PDCD10: variants seen among roughly 807,000 people sequenced by gnomAD.
PDCD10 encodes the protein programmed cell death protein 10.
PDCD10 carries 4 observed loss-of-function variants against 29.2 expected under a neutral mutation model. The ratio of observed to expected loss-of-function variants is 0.14; its 90% CI spans 0.07 to 0.31. PDCD10 has a LOEUF of 0.31. PDCD10 is among the 10% of genes least tolerant of loss of function. PDCD10 has a pLI of 1.00. For synonymous variants in PDCD10, 70 were observed against 82.2 expected, an observed-to-expected ratio of 0.85 and a Z score of 0.80; for missense variants, 183 against 257.9, an observed-to-expected ratio of 0.71 and a Z score of 1.99.
chr3:167,705,988 CCTTA>C (rs1406458831), intron 3 of PDCD10, among the ~76,000 whole-genome samples: 3 of 152,074 alleles, frequency 2.0e-5, no homozygotes, highest in African/African-American at 7.2e-5. Context: ...GAACCCATTT[CCTTA>C]CTTAGGTTTA....
Position 167,695,719 on chromosome 3 carries a change from T to C in PDCD10, c.272A>G (p.Tyr91Cys), listed in dbSNP as rs200148887. ...TTCTGGCTCTGGTCGTTCAATCATATACTCTGATAAAATAAATACATAATA... is the reference window on the plus strand; with the variant it reads ...TTCTGGCTCTGGTCGTTCAATCATACACTCTGATAAAATAAATACATAATA... ...LRMAADDVEE[Y>C]MIERPEPEFQ... Residue 91 changes from tyrosine (Y) to cysteine (C), a missense_variant, in exon 6 of 9, where the codon TAT (tyrosine) becomes TGT (cysteine). Physicochemically the swap from Tyr to Cys is radical, Grantham distance 194. Coordinates refer to ENST00000392750, the MANE Select transcript of PDCD10 (RefSeq NM_007217.4). 21 of 1,613,474 alleles carry C rather than the reference T, an allele frequency of 1.3e-5. No homozygotes were observed. Among genetic ancestry groups the C allele is most frequent in the Non-Finnish European group, 1.6e-5 (19 of 1,179,406 alleles).
At chr3:167,691,171 A>G (rs999665441) in intron 6 of PDCD10, among the ~76,000 whole-genome samples, 1 of 152,216 alleles carries the variant, frequency 6.6e-6, no homozygotes, top group Non-Finnish European at 1.5e-5. Flanking sequence ...GTCAATTAAT[A>G]ATGGTAAGAA....
intron 2 of PDCD10, among the ~76,000 whole-genome samples, chr3:167,724,671 C>G (rs926521764): frequency 1.3e-5 from 2 of 152,058 alleles, no homozygotes; most frequent in Non-Finnish European, 2.9e-5. Flanking sequence ...GCATGCCTAG[C>G]AAAATAAAAA....
At position 167,734,856 on chromosome 3, in the gene PDCD10, C is replaced by G. The variant is rs1427623817; in HGVS notation, c.-448G>C. On this transcript the variant is annotated 5_prime_UTR_variant, in exon 1 of 9. Coordinates refer to ENST00000392750, the MANE Select transcript of PDCD10 (RefSeq NM_007217.4). ...TCCCACCTTGCAGCCCTCTTCAACTCCCGGATCAATTCACTCCGGCGACGC... is the reference window on the plus strand; with the variant it reads ...TCCCACCTTGCAGCCCTCTTCAACTGCCGGATCAATTCACTCCGGCGACGC... The G allele has an allele frequency of 6.5e-6, 1 of 153,734 alleles. No homozygotes were observed. 9.5% of individuals were successfully genotyped at this position (153,734 alleles called of 1,614,324 possible).
intron 8 of PDCD10, among the ~76,000 whole-genome samples, chr3:167,685,396 CAAAAAAAAAAAAAA>C (rs1184281849): frequency 7.9e-4 from 44 of 55,966 alleles, no homozygotes; most frequent in African/African-American, 2.9e-3. Context: ...ACTCTGTCTC[CAAAAAAAAAAAAAA>C]AAAAAAAAAA....
At chr3:167,701,347 TAC>T (rs1721407916) in intron 4 of PDCD10, among the ~76,000 whole-genome samples, 1 of 152,176 alleles carries the variant, frequency 6.6e-6, no homozygotes, top group Admixed American at 6.5e-5. Context: ...TACATATACA[TAC>T]ACACACATAT....
chr3:167,725,766 TA>T (rs1724072997), intron 2 of PDCD10, among the ~76,000 whole-genome samples: 7 of 6,438 alleles, frequency 1.1e-3, no homozygotes, highest in African/African-American at 4.4e-3. Flanking sequence ...GTATCGTTTA[TA>T]TATATATATA....
intron 3 of PDCD10, among the ~76,000 whole-genome samples, chr3:167,712,021 G>GA (rs1301628891): frequency 6.6e-6 from 1 of 152,028 alleles, no homozygotes; most frequent in African/African-American, 2.4e-5. Flanking sequence ...AAGGGAGTTT[G>GA]ATCTGAAAGA....
rs1719282289 is a variant in PDCD10 at position 167,683,681 on chromosome 3, C to A, written c.*627G>T. 1 of 151,700 alleles carries A rather than the reference C, an allele frequency of 6.6e-6. No homozygotes were observed. Among genetic ancestry groups the A allele is most frequent in the African/African-American group, 2.4e-5 (1 of 41,340 alleles). The allele number at this position is 151,700 out of a possible 1,614,324, so 9.4% of individuals were successfully genotyped here. A position where few individuals can be genotyped will look rare whatever the true frequency, so the allele number is the denominator to read the frequency against. Reference sequence around the variant, plus strand: ...GGAAATCATATAAAAATACTCAGTACCTTATAAGTAATTAACAAAAATATT... The same window carrying A: ...GGAAATCATATAAAAATACTCAGTAACTTATAAGTAATTAACAAAAATATT... On this transcript the variant is annotated 3_prime_UTR_variant, in exon 9 of 9. Coordinates refer to ENST00000392750, the MANE Select transcript of PDCD10 (RefSeq NM_007217.4).
At chr3:167,706,141 A>G (rs961301113) in intron 3 of PDCD10, among the ~76,000 whole-genome samples, 3 of 152,220 alleles carry the variant, frequency 2.0e-5, no homozygotes, top group Admixed American at 1.3e-4. Context: ...AAGTTCATGA[A>G]GAGCTAACAA....
chr3:167,730,396 A>G (rs1724684225), intron 2 of PDCD10, among the ~76,000 whole-genome samples: 1 of 152,196 alleles, frequency 6.6e-6, no homozygotes, highest in African/African-American at 2.4e-5. Flanking sequence ...TCATAATGAT[A>G]TTAATTATCC....
chr3:167,726,862 C>T (rs187926473), intron 2 of PDCD10, among the ~76,000 whole-genome samples: 128 of 152,208 alleles, frequency 8.4e-4, no homozygotes, highest in Middle Eastern at 3.4e-3. Context: ...CCTAGTCCTG[C>T]CCCTGCATAA....
At chr3:167,707,267 T>C (rs1375833596) in intron 3 of PDCD10, among the ~76,000 whole-genome samples, 2 of 152,234 alleles carry the variant, frequency 1.3e-5, no homozygotes, top group African/African-American at 4.8e-5. Context: ...ACACATGGAA[T>C]GTAATGATTT....
chr3:167,705,480 G>A (rs984016873), intron 3 of PDCD10, among the ~76,000 whole-genome samples: 1 of 152,016 alleles, frequency 6.6e-6, no homozygotes, highest in African/African-American at 2.4e-5. Flanking sequence ...CTTCCCTTGA[G>A]GCAACAAAAG....
chr3:167,720,668 TGTAA>T (rs1723476582), intron 2 of PDCD10, among the ~76,000 whole-genome samples: 1 of 152,080 alleles, frequency 6.6e-6, no homozygotes. Flanking sequence ...ATGCATGATG[TGTAA>T]GTGTGTGCAG....
At chr3:167,711,331 AATTATTTTGT>A (rs1270609085) in intron 3 of PDCD10, among the ~76,000 whole-genome samples, 3 of 152,200 alleles carry the variant, frequency 2.0e-5, no homozygotes, top group Non-Finnish European at 2.9e-5. Flanking sequence ...AAGAGACTGA[AATTATTTTGT>A]AAAATCAAGC....
At chr3:167,734,113 C>T (rs1265679283) in intron 2 of PDCD10, 101 bp downstream of exon 2, 1 of 152,168 alleles carries the variant, frequency 6.6e-6, no homozygotes, top group Non-Finnish European at 1.5e-5. Context: ...AAAGTCTGTC[C>T]CTACGTGTGT....
chr3:167,698,170 A>G (rs1026813392), intron 4 of PDCD10, among the ~76,000 whole-genome samples: 2 of 152,218 alleles, frequency 1.3e-5, no homozygotes, highest in African/African-American at 4.8e-5. Flanking sequence ...GATCTCAAGT[A>G]TCAAAAACTG....
intron 4 of PDCD10, chr3:167,704,427 T>C (rs1452724867): frequency 6.2e-6 from 1 of 160,808 alleles, no homozygotes; most frequent in Non-Finnish European, 1.4e-5. Flanking sequence ...AGGGTCTTGC[T>C]ATACGGCCCA....
Sources: gnomAD v4.1 joint callset for allele counts (sites outside exome capture counted in the v4.1 genomes callset) on GRCh38, gnomAD v4.1.1 for gene constraint, MANE v1.5 for transcripts, NCBI Gene and HGNC (gene_info 2026-07-23, HGNC 2026-07-21) for gene names.